The following IPCEF1 variants were observed in gnomAD, a reference collection of about 807,000 sequenced individuals.
IPCEF1 encodes the protein interaction protein for cytohesin exchange factors 1.
IPCEF1 carries 31 observed loss-of-function variants against 50.9 expected under a neutral mutation model. The observed-to-expected ratio is 0.61, with a 90% confidence interval of 0.46 to 0.82. The LOEUF is 0.82. Ranked by LOEUF, IPCEF1 falls within the 40% of genes least tolerant of loss-of-function variation. The pLI is 0.00. For synonymous variants in IPCEF1, 181 were observed against 192.0 expected, an observed-to-expected ratio of 0.94 and a Z score of 0.47; for missense variants, 458 against 514.0, an observed-to-expected ratio of 0.89 and a Z score of 1.05.
chr6:154,245,613 C>T (rs574346171), intron 5 of IPCEF1, among the ~76,000 whole-genome samples: 122 of 152,298 alleles, frequency 8.0e-4, no homozygotes, highest in African/African-American at 2.7e-3. Context: ...TGCATGCCCA[C>T]GTCATTTCAC....
chr6:154,164,398 A>G (rs1182238622), intron 11 of IPCEF1, among the ~76,000 whole-genome samples: 1 of 152,210 alleles, frequency 6.6e-6, no homozygotes, highest in Non-Finnish European at 1.5e-5. Flanking sequence ...AATGTAGACA[A>G]TAATACAGAA....
intron 10 of IPCEF1, among the ~76,000 whole-genome samples, chr6:154,185,079 C>T (rs987995671): frequency 3.9e-5 from 6 of 152,102 alleles, no homozygotes; most frequent in Admixed American, 1.3e-4. Context: ...ACTAGCTAGT[C>T]CTTCAAGTTA....
intron 1 of IPCEF1, among the ~76,000 whole-genome samples, chr6:154,320,824 T>G (rs1027378438): frequency 6.6e-6 from 1 of 152,044 alleles, no homozygotes; most frequent in South Asian, 2.1e-4. Flanking sequence ...CTGGGCAACA[T>G]AGCAAGACCT....
intron 1 of IPCEF1, among the ~76,000 whole-genome samples, chr6:154,295,566 A>C (rs12665234): frequency 6.6e-6 from 1 of 152,060 alleles, no homozygotes; most frequent in Admixed American, 6.5e-5. Flanking sequence ...CAGAGAGCAC[A>C]GGGGGTCTAG....
chr6:154,257,754 C>T (rs1562569109), intron 3 of IPCEF1, among the ~76,000 whole-genome samples: 1 of 152,112 alleles, frequency 6.6e-6, no homozygotes, highest in Non-Finnish European at 1.5e-5. Context: ...GGCTGGAGTA[C>T]AGTGACAGGA....
rs558353264 is a variant in IPCEF1, at chr6:154,161,313, C to T, written c.1105-1273G>A. On this transcript the variant is annotated intron_variant, in intron 11 of 11. Coordinates refer to ENST00000367220, the MANE Select transcript of IPCEF1 (RefSeq NM_001130700.2). ...GCAAGCTCTGCCTCCCAGGTTCAAG[C>T]GATTCTCCTGCATCAACCTCCCAAG... Among the ~76,000 whole-genome samples the T allele has an allele frequency of 3.5e-3, 524 of 151,550 alleles. 3 individuals are homozygous for T. Among genetic ancestry groups the T allele is most frequent in the African/African-American group, 0.012 (488 of 41,284 alleles).
At chr6:154,187,285 G>C (rs73567119) in intron 10 of IPCEF1, among the ~76,000 whole-genome samples, 1 of 152,042 alleles carries the variant, frequency 6.6e-6, no homozygotes, top group African/African-American at 2.4e-5. Flanking sequence ...CCCTTGCCCT[G>C]CCTCTTGTAA....
intron 3 of IPCEF1, among the ~76,000 whole-genome samples, chr6:154,254,544 A>C (rs967673139): frequency 6.6e-6 from 1 of 152,244 alleles, no homozygotes; most frequent in Non-Finnish European, 1.5e-5. Flanking sequence ...CAACATGCAG[A>C]GATTACAATT....
At chr6:154,308,891 G>A (rs56018200) in intron 1 of IPCEF1, among the ~76,000 whole-genome samples, 10,745 of 152,174 alleles carry the variant, frequency 0.071, 555 homozygotes, top group African/African-American at 0.14. Context: ...AATTAGATGC[G>A]ATAAGGTGTG....
chr6:154,160,461 A>G (rs1293148467), intron 11 of IPCEF1, among the ~76,000 whole-genome samples: 1 of 152,258 alleles, frequency 6.6e-6, no homozygotes, highest in Non-Finnish European at 1.5e-5. Context: ...ATATGGCAAC[A>G]TAAAATATGT....
intron 1 of IPCEF1, among the ~76,000 whole-genome samples, chr6:154,297,223 A>G (rs1310855843): frequency 1.3e-5 from 2 of 151,990 alleles, no homozygotes; most frequent in African/African-American, 4.8e-5. Context: ...TATTTTTTGT[A>G]AAGACGGGGT....
chr6:154,355,736 G>A (rs1254810990), intron 1 of IPCEF1, among the ~76,000 whole-genome samples: 11 of 151,880 alleles, frequency 7.2e-5, no homozygotes, highest in African/African-American at 9.7e-5. Flanking sequence ...TGATCCACCC[G>A]CCTTGGGCTC....
At chr6:154,169,279 T>G (rs945798436) in intron 10 of IPCEF1, among the ~76,000 whole-genome samples, 3 of 152,142 alleles carry the variant, frequency 2.0e-5, no homozygotes, top group Admixed American at 6.5e-5. Context: ...GAGAATCACT[T>G]GAGCCTGGGA....
chr6:154,236,191 A>C (rs1780116340), intron 5 of IPCEF1, among the ~76,000 whole-genome samples: 1 of 152,234 alleles, frequency 6.6e-6, no homozygotes, highest in South Asian at 2.1e-4. Context: ...TGGTACACAC[A>C]TCAAGGGGAT....
At chr6:154,216,564 T>A (rs1778409916) in intron 7 of IPCEF1, among the ~76,000 whole-genome samples, 2 of 152,270 alleles carry the variant, frequency 1.3e-5, no homozygotes, top group South Asian at 4.2e-4. Context: ...TCAGGAAGAA[T>A]ATAATTTTAC....
intron 8 of IPCEF1, among the ~76,000 whole-genome samples, chr6:154,213,551 A>G (rs577899691): frequency 3.3e-5 from 5 of 152,288 alleles, no homozygotes; most frequent in Non-Finnish European, 7.4e-5. Flanking sequence ...AACTAACTCT[A>G]AGATTTTATG....
chr6:154,222,710 G>A (rs755980717), intron 6 of IPCEF1, among the ~76,000 whole-genome samples: 7 of 152,214 alleles, frequency 4.6e-5, no homozygotes, highest in African/African-American at 7.2e-5. Context: ...AGATCAGAGT[G>A]TAATCTCCAA....
chr6:154,304,879 C>T (rs1782891944), intron 1 of IPCEF1, among the ~76,000 whole-genome samples: 1 of 152,112 alleles, frequency 6.6e-6, no homozygotes, highest in Non-Finnish European at 1.5e-5. Context: ...TTTGGGAGGC[C>T]GAGGTGGGCA....
intron 9 of IPCEF1, among the ~76,000 whole-genome samples, chr6:154,211,703 A>T (rs9479792): frequency 6.6e-6 from 1 of 152,300 alleles, no homozygotes; most frequent in East Asian, 1.9e-4. Context: ...GGAACAGTTT[A>T]AAAAAGATTA....
Sources: gnomAD v4.1 joint callset for allele counts (sites outside exome capture counted in the v4.1 genomes callset) on GRCh38, gnomAD v4.1.1 for gene constraint, MANE v1.5 for transcripts, NCBI Gene and HGNC (gene_info 2026-07-23, HGNC 2026-07-21) for gene names.